CDH13: variants seen among roughly 807,000 people sequenced by gnomAD.
CDH13 encodes cadherin 13, also known as cadherin-13.
Under a neutral mutation model 63.8 loss-of-function variants are expected in CDH13, and 24 were observed. The ratio of observed to expected loss-of-function variants is 0.38; its 90% confidence interval spans 0.27 to 0.53. CDH13 has a LOEUF of 0.53. Among genes scored for constraint, CDH13 ranks in the 20% least tolerant of loss-of-function variants. The pLI, the probability that CDH13 is intolerant of heterozygous loss-of-function variation, is 0.85. For missense variants in CDH13, 1,049 were observed against 903.1 expected (o/e 1.16, Z -2.07); for synonymous variants, 503 against 355.3 (o/e 1.42, Z -4.67).
intron 4 of CDH13, among the ~76,000 whole-genome samples, chr16:83,191,468 T>TATATATATATATATATGCAC (rs2038699916): frequency 3.4e-5 from 4 of 117,966 alleles, no homozygotes; most frequent in African/African-American, 1.2e-4. Flanking sequence ...AATATATATA[T>TATATATATATATATATGCAC]ATATATATAT....
chr16:83,668,051 G>A (rs764010413), intron 8 of CDH13, among the ~76,000 whole-genome samples: 13 of 152,262 alleles, frequency 8.5e-5, no homozygotes, highest in Admixed American at 6.5e-4. Context: ...CAGCCATGAC[G>A]CAGCTCTGCT....
chr16:83,172,496 A>G (rs78151007), intron 4 of CDH13, among the ~76,000 whole-genome samples: 1 of 151,494 alleles, frequency 6.6e-6, no homozygotes, highest in South Asian at 2.1e-4. Context: ...CTCAAAAAAG[A>G]AAAAAAAAGC....
Position 83,672,448 on chromosome 16 carries a change from CAG to C in CDH13, c.1284+1479_1284+1480del, listed in dbSNP as rs1487097392. ...TTTTTTTTTTTTTTTTTTTTTGAGA[CAG>C]AGTCTTGCTCTCTCACCAGGCTGGA... On this transcript the variant is annotated intron_variant, in intron 9 of 13. Coordinates refer to ENST00000567109, the MANE Select transcript of CDH13 (RefSeq NM_001257.5). Among the ~76,000 whole-genome samples the C allele has an allele frequency of 9.0e-5, 5 of 55,378 alleles. No individual in the cohort carries two copies. In the Admixed American group the frequency reaches 1.6e-3, roughly 18 times the overall value. 36.3% of individuals were successfully genotyped at this position (55,378 alleles called of 152,430 possible). A position where few individuals can be genotyped will look rare whatever the true frequency, so the allele number is the denominator to read the frequency against.
At chr16:82,848,010 G>T (rs2039335183) in intron 1 of CDH13, among the ~76,000 whole-genome samples, 1 of 151,726 alleles carries the variant, frequency 6.6e-6, no homozygotes, top group Admixed American at 6.6e-5. Context: ...ATTTCATTTG[G>T]GAAGAAAGAC....
intron 5 of CDH13, among the ~76,000 whole-genome samples, chr16:83,224,412 C>T (rs8182163): frequency 0.74 from 111,902 of 152,146 alleles, 42,035 homozygotes; most frequent in East Asian, 0.96. Flanking sequence ...AAGTGAGAGC[C>T]TGTCAGTGAG....
intron 3 of CDH13, among the ~76,000 whole-genome samples, chr16:83,121,537 A>G (rs1465738459): frequency 1.3e-5 from 2 of 152,220 alleles, no homozygotes; most frequent in Admixed American, 1.3e-4. Flanking sequence ...TGGTGAGGGC[A>G]TTGGAGTGAT....
intron 2 of CDH13, among the ~76,000 whole-genome samples, chr16:82,976,940 G>A (rs185342359): frequency 6.6e-6 from 1 of 152,276 alleles, no homozygotes; most frequent in East Asian, 1.9e-4. Flanking sequence ...TGAGGAGAGG[G>A]CCTGGAACTC....
At chr16:83,364,027 T>C (rs553567591) in intron 6 of CDH13, among the ~76,000 whole-genome samples, 28 of 152,282 alleles carry the variant, frequency 1.8e-4, no homozygotes, top group African/African-American at 6.7e-4. Context: ...CCCTCCAATT[T>C]AGCTAGCTTT....
intron 5 of CDH13, among the ~76,000 whole-genome samples, chr16:83,316,060 A>G (rs889250173): frequency 2.6e-5 from 4 of 152,152 alleles, no homozygotes; most frequent in Non-Finnish European, 5.9e-5. Flanking sequence ...TGGAAGGGGA[A>G]GGAAACACGT....
chr16:82,729,105 C>T (rs535101715), intron 1 of CDH13, among the ~76,000 whole-genome samples: 185 of 152,264 alleles, frequency 1.2e-3, no homozygotes, highest in Non-Finnish European at 2.1e-3. Flanking sequence ...GCCGTTACTT[C>T]CTCTACTGAA....
intron 8 of CDH13, among the ~76,000 whole-genome samples, chr16:83,606,649 C>T (rs972747436): frequency 1.3e-5 from 2 of 150,936 alleles, no homozygotes; most frequent in Admixed American, 1.3e-4. Context: ...ATCATTTGAG[C>T]CTGGAAGGTC....
intron 1 of CDH13, among the ~76,000 whole-genome samples, chr16:82,692,437 T>A (rs1915736078): frequency 6.6e-6 from 1 of 152,210 alleles, no homozygotes; most frequent in African/African-American, 2.4e-5. Context: ...TTTGCATGGC[T>A]GCAGGCAAGA....
intron 7 of CDH13, among the ~76,000 whole-genome samples, chr16:83,591,958 A>C (rs8060632): frequency 0.68 from 103,857 of 152,068 alleles, 35,598 homozygotes; most frequent in East Asian, 0.84. Flanking sequence ...AGTCCAAGAC[A>C]CCATCTCTAA....
intron 2 of CDH13, among the ~76,000 whole-genome samples, chr16:83,006,211 A>C (rs1913476454): frequency 6.6e-6 from 1 of 152,206 alleles, no homozygotes; most frequent in Non-Finnish European, 1.5e-5. Context: ...ACATAAACAA[A>C]AAAGACCCAA....
intron 3 of CDH13, among the ~76,000 whole-genome samples, chr16:83,044,790 C>T (rs541381326): frequency 6.6e-6 from 1 of 152,296 alleles, no homozygotes; most frequent in Non-Finnish European, 1.5e-5. Flanking sequence ...CGGCCATCCA[C>T]AGGCTTTCCC....
At chr16:83,493,269 A>T (rs948906007) in intron 7 of CDH13, among the ~76,000 whole-genome samples, 1 of 152,226 alleles carries the variant, frequency 6.6e-6, no homozygotes, top group African/African-American at 2.4e-5. Flanking sequence ...CTCCTACAGG[A>T]CGTACATTTA....
chr16:83,438,375 C>T (rs891034304), intron 6 of CDH13, among the ~76,000 whole-genome samples: 1 of 152,230 alleles, frequency 6.6e-6, no homozygotes, highest in Non-Finnish European at 1.5e-5. Flanking sequence ...ATATTGCTGA[C>T]TTACCTTCCT....
intron 11 of CDH13, among the ~76,000 whole-genome samples, chr16:83,754,746 GTGAGGT>G (rs1449130771): frequency 6.6e-6 from 1 of 152,106 alleles, no homozygotes; most frequent in African/African-American, 2.4e-5. Flanking sequence ...CACCATGATT[GTGAGGT>G]TTCCCCAGCC....
chr16:83,652,178 T>C lies in CDH13; in HGVS notation c.1102-18612T>C, dbSNP rs372113785. On this transcript the variant is annotated intron_variant, in intron 8 of 13. Coordinates refer to ENST00000567109, the MANE Select transcript of CDH13 (RefSeq NM_001257.5). ...GTCTATTTGAAATGGGAATCAGTGGTGCAAACACAGAGAATGGATTTAGAG... is the reference window on the plus strand; with the variant it reads ...GTCTATTTGAAATGGGAATCAGTGGCGCAAACACAGAGAATGGATTTAGAG... 2.3e-4 allele frequency among the ~76,000 whole-genome samples: 35 copies of C among 152,334 alleles called. No homozygotes were observed. The South Asian group carries it at 6.6e-3, about 29-fold the overall frequency.
Sources: allele counts gnomAD v4.1 joint callset (sites outside exome capture counted in the v4.1 genomes callset), GRCh38; gene constraint gnomAD v4.1.1; transcripts MANE v1.5; gene names NCBI Gene and HGNC (gene_info 2026-07-23, HGNC 2026-07-21).